The following GLIS1 variants were observed in gnomAD, a reference collection of about 807,000 sequenced individuals.
GLIS1 encodes zinc finger protein GLIS1.
GLIS1 carries 24 observed loss-of-function variants against 63.8 expected under a neutral mutation model. The observed-to-expected ratio is 0.38, with a 90% CI of 0.27 to 0.53. The LOEUF is 0.53. GLIS1 is among the 20% of genes least tolerant of loss of function. The probability of loss-of-function intolerance (pLI) is 0.85; values close to 1 mark genes in which losing one functional copy is unlikely to be tolerated. For synonymous variants in GLIS1, 450 were observed against 482.5 expected (o/e 0.93, Z 0.88); for missense variants, 1,036 against 1,074.1 (o/e 0.96, Z 0.50).
At chr1:53,534,307 C>T (rs552891755) in intron 4 of GLIS1, among the ~76,000 whole-genome samples, 2 of 152,144 alleles carry the variant, frequency 1.3e-5, no homozygotes, top group East Asian at 1.9e-4. Flanking sequence ...CCGAGGGCAT[C>T]GTAATGATTC....
chr1:53,542,443 A>G (rs1372737387), intron 4 of GLIS1, among the ~76,000 whole-genome samples: 1 of 152,252 alleles, frequency 6.6e-6, no homozygotes, highest in Non-Finnish European at 1.5e-5. Context: ...GCTGGCACAG[A>G]GCGGGTGTTC....
intron 2 of GLIS1, among the ~76,000 whole-genome samples, chr1:53,722,381 C>A (rs772284612): frequency 6.6e-6 from 1 of 152,132 alleles, no homozygotes; most frequent in Admixed American, 6.5e-5. Context: ...TATGCACATG[C>A]AAGTAATATA....
chr1:53,564,256 AG>A (rs2100447451), intron 4 of GLIS1, among the ~76,000 whole-genome samples: 1 of 152,212 alleles, frequency 6.6e-6, no homozygotes, highest in Admixed American at 6.6e-5. Context: ...TTGGGGAGGG[AG>A]TTAAGGTATT....
intron 5 of GLIS1, among the ~76,000 whole-genome samples, chr1:53,528,934 C>A (rs78941549): frequency 1.3e-5 from 2 of 152,114 alleles, no homozygotes; most frequent in Non-Finnish European, 2.9e-5. Context: ...TCCTCAGGCA[C>A]GTGCCCCTCA....
At chr1:53,658,442 G>A (rs1429193314) in intron 2 of GLIS1, among the ~76,000 whole-genome samples, 1 of 152,186 alleles carries the variant, frequency 6.6e-6, no homozygotes, top group Admixed American at 6.5e-5. Flanking sequence ...GAAGTTCAGT[G>A]CAGATCCTGG....
At chr1:53,555,795 G>A (rs1036483580) in intron 4 of GLIS1, among the ~76,000 whole-genome samples, 13 of 145,234 alleles carry the variant, frequency 9.0e-5, no homozygotes, top group Non-Finnish European at 1.8e-4. Flanking sequence ...TGTGTGTGCA[G>A]GTGTACTGCA....
intron 2 of GLIS1, among the ~76,000 whole-genome samples, chr1:53,627,214 G>A (rs1645604824): frequency 1.3e-5 from 2 of 152,210 alleles, no homozygotes; most frequent in Non-Finnish European, 2.9e-5. Context: ...GGAGGGGGAG[G>A]TGTGGGCGGC....
chr1:53,738,925 G>A (rs1412689026), intron 1 of GLIS1, among the ~76,000 whole-genome samples, 180 bp downstream of exon 1: 1 of 152,156 alleles, frequency 6.6e-6, no homozygotes, highest in African/African-American at 2.4e-5. Flanking sequence ...CGCGTGCGAT[G>A]GGGGCCGCGA....
rs1242879815 is a variant in GLIS1, at chr1:53,539,988, G to A, written c.1321-10036C>T. Among the ~76,000 whole-genome samples the A allele has an allele frequency of 6.6e-6, 1 of 152,174 alleles. No individual in the cohort carries two copies. The highest frequency in any genetic ancestry group is 6.5e-5 in the Admixed American group (1 of 15,276). The stretch of plus-strand genomic sequence containing the variant: ...TGCCCATGCGGTGTCCTCTGCTCAA[G>A]GTGCCCCTGTTCACTGGCCAGTCCT... On this transcript the variant is annotated intron_variant, in intron 4 of 10. Transcript: ENST00000628545. This position sits in a 1 kb window ranked among gnomAD's most constrained non-coding sequence, Gnocchi z 5.0.
intron 4 of GLIS1, among the ~76,000 whole-genome samples, chr1:53,552,694 C>T (rs1410543624): frequency 2.6e-5 from 4 of 152,194 alleles, no homozygotes; most frequent in South Asian, 2.1e-4. Context: ...CTCCCCAGGG[C>T]TCCTCCATCC....
rs1250919179 is a variant in GLIS1 at position 53,594,831 on chromosome 1, C to T, written c.597G>A (p.Leu199=). 6.2e-7 allele frequency: 1 copy of T among 1,604,596 alleles called. No individual in the cohort carries two copies. The highest frequency in any genetic ancestry group is 1.3e-5 in the African/African-American group (1 of 74,958). Residue 199 remains leucine, a synonymous_variant, in exon 4 of 11, where the codon CTG becomes CTA. Coordinates refer to ENST00000628545, the MANE Select transcript of GLIS1 (RefSeq NM_001367484.1). Reference sequence around the variant, plus strand: ...TGGCGAGGCTTCGGCCCGGGAGGTCCAGGTCTGGGTGCAGGCCAGTGGCCA... The same window carrying T: ...TGGCGAGGCTTCGGCCCGGGAGGTCTAGGTCTGGGTGCAGGCCAGTGGCCA... The part of the protein sequence containing the change: ...GPLATGLHPD[L]DLPGRSLATP...
rs1284672283 is a variant in GLIS1 at position 53,594,853 on chromosome 1, G to A, written c.575C>T (p.Ala192Val). 1.3e-6 allele frequency: 2 copies of A among 1,593,004 alleles called. No homozygotes were observed. Among genetic ancestry groups the A allele is most frequent in the Admixed American group, 1.7e-5 (1 of 57,844 alleles). Reference sequence around the variant, plus strand: ...GTCCAGGTCTGGGTGCAGGCCAGTGGCCAGCGGGCCCCGACAGTGGGCAGA... The same window carrying A: ...GTCCAGGTCTGGGTGCAGGCCAGTGACCAGCGGGCCCCGACAGTGGGCAGA... ...SLSAHCRGPL[A>V]TGLHPDLDLP... The change falls in exon 4 of 11, where the codon GCC becomes GTC. Residue 192 changes from alanine to valine, a missense_variant. This residue lies in a region of GLIS1 where 592 missense variants were observed against 593.9 expected (regional missense o/e 1.00). Transcript: ENST00000628545.
chr1:53,609,088 T>C (rs1645399781), intron 2 of GLIS1, among the ~76,000 whole-genome samples: 1 of 152,118 alleles, frequency 6.6e-6, no homozygotes, highest in African/African-American at 2.4e-5. Context: ...CTTATAGTGT[T>C]TCAAGCCTGT....
At chr1:53,585,206 G>A (rs992650273) in intron 4 of GLIS1, among the ~76,000 whole-genome samples, 2 of 151,998 alleles carry the variant, frequency 1.3e-5, no homozygotes, top group Non-Finnish European at 2.9e-5. Flanking sequence ...TGGGACTAAC[G>A]ACTTCAAAAA....
chr1:53,529,715 G>A, intron 5 of GLIS1, 76 bp downstream of exon 5: 1 of 1,465,716 alleles, frequency 6.8e-7, no homozygotes, highest in Non-Finnish European at 9.3e-7. Context: ...GGGTAAGGCA[G>A]GGGCTCTGCA....
At position 53,574,149 on chromosome 1, in the gene GLIS1, C is replaced by T. The variant is rs1024805922; in HGVS notation, c.1320+19959G>A. The stretch of plus-strand genomic sequence containing the variant: ...ACCCACACCTCTGTGGTCCTGGTTC[C>T]AAGTTCCTTCCAGGGCACTGTCCGT... On this transcript the variant is annotated intron_variant, in intron 4 of 10. Coordinates refer to ENST00000628545, the MANE Select transcript of GLIS1 (RefSeq NM_001367484.1). The surrounding 1 kb of genome is among the most constrained non-coding windows in gnomAD (Gnocchi z 4.2). 2.0e-5 allele frequency among the ~76,000 whole-genome samples: 3 copies of T among 152,206 alleles called. No homozygotes were observed. The highest frequency in any genetic ancestry group is 6.5e-5 in the Admixed American group (1 of 15,286).
At chr1:53,736,532 G>A (rs1375942449) in intron 2 of GLIS1, among the ~76,000 whole-genome samples, 1 of 152,116 alleles carries the variant, frequency 6.6e-6, no homozygotes, top group Admixed American at 6.5e-5. Context: ...GCTGCGCAGC[G>A]CTCCTCTCTG....
intron 6 of GLIS1, among the ~76,000 whole-genome samples, chr1:53,523,971 G>T (rs1251976806): frequency 6.6e-6 from 1 of 152,184 alleles, no homozygotes; most frequent in Non-Finnish European, 1.5e-5. Flanking sequence ...TCACTCTGGG[G>T]AGCGTTCTTC....
In GLIS1 at chr1:53,716,697, CA is replaced by C. The variant is rs544738667; in HGVS notation, c.259+21108del. On this transcript the variant is annotated intron_variant, in intron 2 of 10. Coordinates refer to ENST00000628545, the MANE Select transcript of GLIS1 (RefSeq NM_001367484.1). ...AAGAGTCAAAGAAACCCTCCAAAAA[CA>C]GATCAAAAAGACAAAGAGCTAGGTA... 8.6e-5 allele frequency among the ~76,000 whole-genome samples: 13 copies of C among 152,044 alleles called. 1 individual carries two copies. In the South Asian group the frequency reaches 1.7e-3, roughly 19 times the overall value.
Sources: gnomAD v4.1 joint callset for allele counts (sites outside exome capture counted in the v4.1 genomes callset) on GRCh38, gnomAD v4.1.1 for gene constraint, gnomAD v4.1.1 regional missense constraint, Gnocchi (gnomAD v3.1) non-coding constraint, MANE v1.5 for transcripts, NCBI Gene and HGNC (gene_info 2026-07-23, HGNC 2026-07-21) for gene names.